PCDH15: variants seen among roughly 807,000 people sequenced by gnomAD.
PCDH15 encodes the protein protocadherin related 15.
PCDH15 carries 129 observed loss-of-function variants against 178.5 expected under a neutral mutation model. The observed-to-expected ratio is 0.72, with a 90% CI of 0.63 to 0.84. PCDH15 has a LOEUF of 0.84. PCDH15 is among the 40% of genes least tolerant of loss of function. The probability of loss-of-function intolerance (pLI) is 0.00; values close to 1 mark genes in which losing one functional copy is unlikely to be tolerated. For synonymous variants in PCDH15, 800 were observed against 732.0 expected (o/e 1.09, Z -1.50); for missense variants, 2,230 against 2,099.9 (o/e 1.06, Z -1.21).
At chr10:55,440,465 G>A (rs1839154831) in intron 2 of PCDH15, among the ~76,000 whole-genome samples, 1 of 152,116 alleles carries the variant, frequency 6.6e-6, no homozygotes, top group South Asian at 2.1e-4. Flanking sequence ...AAGTGGCAAA[G>A]TAAACAAAAT....
chr10:54,608,231 GC>G (rs1463971032), intron 2 of PCDH15, among the ~76,000 whole-genome samples: 4 of 151,714 alleles, frequency 2.6e-5, no homozygotes, highest in Admixed American at 2.6e-4. Flanking sequence ...ACTGTGGGAG[GC>G]CGAGGTGGCT....
At chr10:55,419,334 A>C (rs1838562030) in intron 2 of PCDH15, among the ~76,000 whole-genome samples, 2 of 151,740 alleles carry the variant, frequency 1.3e-5, no homozygotes, top group African/African-American at 4.8e-5. Flanking sequence ...GACAGTAAGT[A>C]AGCAGGTGTC....
intron 3 of PCDH15, among the ~76,000 whole-genome samples, chr10:54,844,740 T>G (rs183563305): frequency 6.6e-6 from 1 of 152,140 alleles, no homozygotes; most frequent in East Asian, 1.9e-4. Context: ...TGCCTCAATG[T>G]TAACTATTAA....
chr10:54,726,746 A>G (rs998647749), intron 1 of PCDH15, among the ~76,000 whole-genome samples: 18 of 151,476 alleles, frequency 1.2e-4, no homozygotes, highest in South Asian at 1.0e-3. Context: ...GACTACAAAA[A>G]TTTTGAAAAA....
At chr10:55,335,689 T>C (rs1328738551) in intron 2 of PCDH15, among the ~76,000 whole-genome samples, 1 of 152,130 alleles carries the variant, frequency 6.6e-6, no homozygotes, top group Non-Finnish European at 1.5e-5. Context: ...ATTATAGTTG[T>C]CCAGCCCACT....
chr10:54,272,880 T>C (rs1268633174), intron 8 of PCDH15, among the ~76,000 whole-genome samples: 1 of 152,146 alleles, frequency 6.6e-6, no homozygotes, highest in African/African-American at 2.4e-5. Flanking sequence ...AAAAGTGTTC[T>C]TGAAAAATAT....
chr10:53,985,796 G>A (rs1342216515), intron 21 of PCDH15, among the ~76,000 whole-genome samples: 1 of 151,876 alleles, frequency 6.6e-6, no homozygotes, highest in Non-Finnish European at 1.5e-5. Flanking sequence ...CAGAATGCAG[G>A]GGAAAAGCAC....
chr10:54,666,924 A>G (rs1331474029), intron 1 of PCDH15, among the ~76,000 whole-genome samples: 1 of 151,980 alleles, frequency 6.6e-6, no homozygotes, highest in East Asian at 1.9e-4. Flanking sequence ...CAATATAAAA[A>G]CAACATGATG....
At chr10:54,106,357 C>T (rs2094917659) in intron 15 of PCDH15, among the ~76,000 whole-genome samples, 1 of 152,128 alleles carries the variant, frequency 6.6e-6, no homozygotes, top group African/African-American at 2.4e-5. Context: ...CCTTGCTGTC[C>T]ACACTCAGTA....
chr10:55,107,270 A>C (rs1055139555), intron 2 of PCDH15, among the ~76,000 whole-genome samples: 1 of 152,174 alleles, frequency 6.6e-6, no homozygotes, highest in African/African-American at 2.4e-5. Flanking sequence ...AATGACATAC[A>C]TTTCAAGCTG....
intron 1 of PCDH15, among the ~76,000 whole-genome samples, chr10:55,252,306 T>C (rs1841858811): frequency 6.6e-6 from 1 of 152,134 alleles, no homozygotes; most frequent in Admixed American, 6.6e-5. Context: ...TAAAAAGCTG[T>C]AGCACATCCA....
Position 54,088,147 on chromosome 10 carries a change from A to G in PCDH15, c.1997+1837T>C, listed in dbSNP as rs140469888. Among the ~76,000 whole-genome samples, 275 of 152,278 alleles carry G rather than the reference A, an allele frequency of 1.8e-3. 3 individuals are homozygous for G. The highest frequency in any genetic ancestry group is 3.4e-3 in the Middle Eastern group (1 of 294). On this transcript the variant is annotated intron_variant, in intron 16 of 37. Transcript: ENST00000644397. ...TAGCAGTGCAAAAACGAACTCACAC[A>G]TGCACATTTTACATGGCCACATAAA...
intron 2 of PCDH15, among the ~76,000 whole-genome samples, chr10:55,096,764 G>T (rs1037828681): frequency 6.6e-6 from 1 of 151,942 alleles, no homozygotes; most frequent in Non-Finnish European, 1.5e-5. Flanking sequence ...CTTATTTCAT[G>T]TAGCATAACG....
intron 2 of PCDH15, among the ~76,000 whole-genome samples, chr10:55,503,250 G>C (rs561691536): frequency 1.6e-3 from 246 of 149,806 alleles, no homozygotes; most frequent in African/African-American, 5.8e-3. Context: ...GATAAACAAC[G>C]GTTTTCATAA....
intron 1 of PCDH15, among the ~76,000 whole-genome samples, chr10:55,285,839 ACT>A (rs1390579700): frequency 2.0e-5 from 3 of 151,944 alleles, no homozygotes; most frequent in Admixed American, 6.6e-5. Context: ...GCAAGCTATG[ACT>A]CTGTTTTTTA....
intron 25 of PCDH15, among the ~76,000 whole-genome samples, chr10:53,909,070 T>A (rs2082880411): frequency 1.3e-5 from 2 of 152,196 alleles, no homozygotes; most frequent in South Asian, 4.1e-4. Flanking sequence ...TGAACTATAA[T>A]CCTCACGTAT....
chr10:54,703,038 T>C (rs2095327314), intron 1 of PCDH15, among the ~76,000 whole-genome samples: 2 of 152,110 alleles, frequency 1.3e-5, no homozygotes, highest in Non-Finnish European at 2.9e-5. Flanking sequence ...CATGATCAAG[T>C]AGGCTTTATC....
chr10:55,403,342 T>G (rs1171400299), intron 2 of PCDH15, among the ~76,000 whole-genome samples: 1 of 151,952 alleles, frequency 6.6e-6, no homozygotes, highest in African/African-American at 2.4e-5. Flanking sequence ...CTCTGCTGAT[T>G]GTTTCTGTGA....
At chr10:54,792,779 A>G (rs972856934) in intron 1 of PCDH15, among the ~76,000 whole-genome samples, 2 of 151,714 alleles carry the variant, frequency 1.3e-5, no homozygotes, top group African/African-American at 4.8e-5. Context: ...CAAATAGGTA[A>G]CCTATTTGTC....
Sources: allele counts gnomAD v4.1 joint callset (sites outside exome capture counted in the v4.1 genomes callset), GRCh38; gene constraint gnomAD v4.1.1; transcripts MANE v1.5; gene names NCBI Gene and HGNC (gene_info 2026-07-23, HGNC 2026-07-21).